The following MYO16 variants were observed in gnomAD, a reference collection of about 807,000 sequenced individuals.
MYO16 encodes unconventional myosin-XVI.
Under a neutral mutation model 205.3 loss-of-function variants are expected in MYO16, and 94 were observed. The observed-to-expected ratio is 0.46, with a 90% CI of 0.39 to 0.54. MYO16 has a LOEUF of 0.54. Ranked by LOEUF, MYO16 falls within the 20% of genes least tolerant of loss-of-function variation. MYO16 has a pLI of 0.00. For missense variants in MYO16, 2,315 were observed against 2,387.5 expected (o/e 0.97, Z 0.63); for synonymous variants, 988 against 954.0 (o/e 1.04, Z -0.66).
At chr13:108,994,697 A>G (rs1019710967) in intron 21 of MYO16, among the ~76,000 whole-genome samples, 1 of 152,148 alleles carries the variant, frequency 6.6e-6, no homozygotes, top group Admixed American at 6.6e-5. Context: ...TGACCCATCC[A>G]TCAGTTCTTC....
intron 8 of MYO16, among the ~76,000 whole-genome samples, chr13:108,821,074 A>G (rs918169926): frequency 2.6e-4 from 39 of 152,090 alleles, no homozygotes; most frequent in Non-Finnish European, 4.4e-4. Flanking sequence ...AGAGTTCTGA[A>G]TAACAAAGAG....
At chr13:108,757,586 G>A (rs753981674) in intron 4 of MYO16, among the ~76,000 whole-genome samples, 6 of 151,848 alleles carry the variant, frequency 4.0e-5, no homozygotes, top group Non-Finnish European at 5.9e-5. Context: ...CCAGTAACTC[G>A]TCATTTAACA....
chr13:108,620,043 G>A (rs1455910502), intron 1 of MYO16, among the ~76,000 whole-genome samples: 1 of 152,086 alleles, frequency 6.6e-6, no homozygotes, highest in Non-Finnish European at 1.5e-5. Flanking sequence ...CTCCTTTATG[G>A]CTGAATGATC....
At chr13:108,836,191 GC>G (rs1876907253) in intron 9 of MYO16, among the ~76,000 whole-genome samples, 1 of 152,200 alleles carries the variant, frequency 6.6e-6, no homozygotes, top group Non-Finnish European at 1.5e-5. Flanking sequence ...AGCCTCAGCT[GC>G]AGCTCAAAGG....
chr13:108,506,864 T>C, the MYO16 span, among the ~76,000 whole-genome samples: 73 of 152,170 alleles, frequency 4.8e-4, no homozygotes, highest in Non-Finnish European at 9.6e-4. Flanking sequence ...GGTAATTTCC[T>C]TTCTAGTTTG....
At chr13:109,136,240 C>G (rs1298910391) in intron 31 of MYO16, among the ~76,000 whole-genome samples, 1 of 152,018 alleles carries the variant, frequency 6.6e-6, no homozygotes, top group South Asian at 2.1e-4. Flanking sequence ...ACCACAAGCA[C>G]GTGCCACCAT....
At chr13:108,813,580 A>G (rs747453120) in intron 7 of MYO16, among the ~76,000 whole-genome samples, 2 of 152,180 alleles carry the variant, frequency 1.3e-5, no homozygotes, top group Non-Finnish European at 2.9e-5. Context: ...CTGAAATACA[A>G]CTATTTGAAG....
intron 23 of MYO16, among the ~76,000 whole-genome samples, chr13:109,029,112 C>CTTTTTTTTTTTTTTT (rs200871485): frequency 4.5e-4 from 44 of 98,338 alleles, no homozygotes; most frequent in South Asian, 7.4e-4. Context: ...TTTTTCTTTT[C>CTTTTTTTTTTTTTTT]TTTTTTTTTT....
At chr13:108,652,914 C>T (rs1881076196) in intron 1 of MYO16, among the ~76,000 whole-genome samples, 1 of 152,182 alleles carries the variant, frequency 6.6e-6, no homozygotes, top group South Asian at 2.1e-4. Flanking sequence ...CCAGAAGTAG[C>T]ATTGTCAGAT....
the MYO16 span, among the ~76,000 whole-genome samples, chr13:108,580,824 A>T: frequency 6.6e-6 from 1 of 152,358 alleles, no homozygotes; most frequent in African/African-American, 2.4e-5. Context: ...AATAGAAGTC[A>T]GTTGAAAACT....
chr13:108,738,104 T>G (rs1566579509), intron 4 of MYO16, among the ~76,000 whole-genome samples: 1 of 152,250 alleles, frequency 6.6e-6, no homozygotes, highest in Non-Finnish European at 1.5e-5. Flanking sequence ...TCATTGATAT[T>G]TTGAAGGATT....
intron 20 of MYO16, among the ~76,000 whole-genome samples, chr13:108,974,155 T>G (rs994074573): frequency 3.3e-5 from 5 of 152,234 alleles, no homozygotes; most frequent in African/African-American, 1.2e-4. Flanking sequence ...TTGTATACTA[T>G]TAGTTTTTAA....
chr13:109,046,961 C>T lies in MYO16; in HGVS notation c.2842C>T (p.Leu948Phe), dbSNP rs1887065701. 6.2e-7 allele frequency: 1 copy of T among 1,611,778 alleles called. No individual in the cohort carries two copies. The highest frequency in any genetic ancestry group is 1.3e-5 in the African/African-American group (1 of 74,830). The change falls in exon 24 of 35, where the codon CTT (leucine) becomes TTT (phenylalanine). Residue 948 changes from leucine (L) to phenylalanine (F), a missense_variant. By Grantham distance (22) the Leu-to-Phe change is conservative. Coordinates refer to ENST00000457511, the MANE Select transcript of MYO16 (RefSeq NM_001198950.3). ...GGCGATTGAAAAAAATAAAGACTCC[C>T]TTTCACAGAATCTTCTATTTGTAAT... ...VGAIEKNKDS[L>F]SQNLLFVMKT...
chr13:108,677,612 A>T (rs933469417), intron 2 of MYO16, among the ~76,000 whole-genome samples: 2 of 151,966 alleles, frequency 1.3e-5, no homozygotes, highest in Non-Finnish European at 2.9e-5. Flanking sequence ...TCTGCTCTTT[A>T]TAATTAAAAA....
chr13:108,841,475 A>G (rs935204058), intron 9 of MYO16, among the ~76,000 whole-genome samples: 15 of 152,306 alleles, frequency 9.8e-5, no homozygotes, highest in African/African-American at 3.4e-4. Flanking sequence ...AGTAAAACCC[A>G]GGAGAAATTT....
rs192823564 is a variant in MYO16 at position 109,207,507 on chromosome 13, C to G, written c.*671C>G. 8.5e-5 allele frequency: 13 copies of G among 152,270 alleles called. No homozygotes were observed. The highest frequency in any genetic ancestry group is 3.1e-4 in the African/African-American group (13 of 41,552). The allele number at this position is 152,270 out of a possible 1,614,324, so 9.4% of individuals were successfully genotyped here. A position where few individuals can be genotyped will look rare whatever the true frequency, so the allele number is the denominator to read the frequency against. On this transcript the variant is annotated 3_prime_UTR_variant, in exon 35 of 35. Transcript: ENST00000457511. The stretch of plus-strand genomic sequence containing the variant: ...TTCGCCAGTGTCACCCCTTGCAAAA[C>G]TATGAATTGAGCCCCATGTTTTAGG...
At chr13:108,620,431 C>G (rs1879496888) in intron 1 of MYO16, among the ~76,000 whole-genome samples, 1 of 152,088 alleles carries the variant, frequency 6.6e-6, no homozygotes, top group Admixed American at 6.6e-5. Flanking sequence ...CAGGGATGAA[C>G]CGTACTAAGA....
intron 20 of MYO16, among the ~76,000 whole-genome samples, chr13:108,967,601 A>G (rs1479448643): frequency 1.3e-5 from 2 of 152,230 alleles, no homozygotes; most frequent in African/African-American, 4.8e-5. Flanking sequence ...GGCCACACGT[A>G]GTGGCACTTT....
intron 16 of MYO16, among the ~76,000 whole-genome samples, chr13:108,923,777 G>A (rs550223297): frequency 2.0e-5 from 3 of 152,302 alleles, no homozygotes; most frequent in East Asian, 1.9e-4. Flanking sequence ...TCTTTGGCTT[G>A]TTTGTGTGAT....
Sources: gnomAD v4.1 joint callset for allele counts (sites outside exome capture counted in the v4.1 genomes callset) on GRCh38, gnomAD v4.1.1 for gene constraint, MANE v1.5 for transcripts, NCBI Gene and HGNC (gene_info 2026-07-23, HGNC 2026-07-21) for gene names.